The following XIST variants were observed in gnomAD, a reference collection of about 807,000 sequenced individuals.
XIST encodes the protein X inactive specific transcript.
chrX:73,838,320 A>G (rs973289932), intron 1 of XIST, among the ~76,000 whole-genome samples: 2 of 111,171 alleles, frequency 1.8e-5, no homozygotes, highest in African/African-American at 6.5e-5. Context: ...GCACTTGATT[A>G]TGTAATAAGA....
At chrX:73,848,444 G>A in exon 1 of XIST, 1 of 557,986 alleles carries the variant, frequency 1.8e-6, no homozygotes, top group Non-Finnish European at 3.2e-6. Context: ...GAGTAGTAAG[G>A]GTCCCCTGCT....
chrX:73,822,906 A>T lies in XIST; in HGVS notation n.16995T>A, dbSNP rs751848972. 4 of 556,919 alleles carry T rather than the reference A, an allele frequency of 7.2e-6. No homozygotes were observed. The African/African-American group carries it at 8.9e-5, about 12-fold the overall frequency. The allele number at this position is 556,919 out of a possible 1,213,427, so 45.9% of individuals were successfully genotyped here. ...ATGAAGTTTCTTCTCAACTAAAGAA[A>T]CACAGTCTCTTAGAGAATTTGTTCC... On this transcript the variant is annotated non_coding_transcript_exon_variant, in exon 6 of 6. Transcript: ENST00000429829.
chrX:73,821,828 T>C (rs1569511386), exon 6 of XIST: 3 of 533,993 alleles, frequency 5.6e-6, no homozygotes, highest in Non-Finnish European at 1.0e-5. Flanking sequence ...TTAAGCATGG[T>C]AAAATGTTAA....
exon 6 of XIST, chrX:73,821,692 CT>C (rs751224183): frequency 5.3e-5 from 29 of 543,870 alleles, no homozygotes; most frequent in African/African-American, 2.7e-4. Flanking sequence ...CTGTCCCACC[CT>C]CTGTGAGTGA....
At chrX:73,823,229 C>A in exon 6 of XIST, 1 of 532,074 alleles carries the variant, frequency 1.9e-6, no homozygotes, top group Non-Finnish European at 3.4e-6. Context: ...TTAAACTAAG[C>A]CAATGAGGAA....
chrX:73,838,516 TTC>T (rs764062154), intron 1 of XIST, among the ~76,000 whole-genome samples: 2 of 111,381 alleles, frequency 1.8e-5, no homozygotes, highest in South Asian at 7.5e-4. Flanking sequence ...CAAAAGTTAT[TTC>T]TAATATAAAC....
At chrX:73,820,968 G>C (rs766205734) in exon 6 of XIST, 1 of 558,944 alleles carries the variant, frequency 1.8e-6, no homozygotes, top group Non-Finnish European at 3.2e-6. Context: ...TGTGAATAAA[G>C]CAGATGATGA....
At chrX:73,852,376 C>A in exon 1 of XIST, 1 of 547,952 alleles carries the variant, frequency 1.8e-6, no homozygotes, top group Non-Finnish European at 3.3e-6. Flanking sequence ...TCCGCAGCCC[C>A]GATGGGCAAA....
chrX:73,849,840 G>C, exon 1 of XIST: 2 of 508,585 alleles, frequency 3.9e-6, no homozygotes, highest in Non-Finnish European at 7.0e-6. Context: ...CTGGGACTGG[G>C]GCTAGGGCTG....
chrX:73,852,619 AG>A (rs1268886547), exon 1 of XIST: 1 of 491,041 alleles, frequency 2.0e-6, no homozygotes, highest in African/African-American at 2.4e-5. Flanking sequence ...TACGCCATAA[AG>A]GGTGTTGGGG....
intron 2 of XIST, chrX:73,833,606 T>C (rs1922427506): frequency 1.6e-5 from 4 of 255,878 alleles, no homozygotes; most frequent in Non-Finnish European, 2.8e-5. Context: ...CATGAAAATA[T>C]GGGTCAAACC....
Position 73,833,311 on chromosome X carries a change from T to C in XIST, n.11470A>G, listed in dbSNP as rs1403950200. 11 of 556,863 alleles carry C rather than the reference T, an allele frequency of 2.0e-5. No homozygotes were observed. The African/African-American group carries it at 2.2e-4, about 11-fold the overall frequency. The allele number at this position is 556,863 out of a possible 1,213,427, so 45.9% of individuals were successfully genotyped here. A position where few individuals can be genotyped will look rare whatever the true frequency, so the allele number is the denominator to read the frequency against. ...TTGGCCAGATTCTCAAAGGGAAAGA[T>C]ATGATTAATTTGGAGCCTCTTATAG... On this transcript the variant is annotated non_coding_transcript_exon_variant, in exon 3 of 6. Transcript: ENST00000429829.
exon 6 of XIST, chrX:73,821,121 C>T (rs1204126582): frequency 1.8e-6 from 1 of 557,708 alleles, no homozygotes; most frequent in Non-Finnish European, 3.2e-6. Context: ...GTTACTGAGT[C>T]CAGCTGATAC....
Position 73,843,079 on chromosome X carries a change from T to G in XIST, n.9645A>C, listed in dbSNP as rs1202819820. On this transcript the variant is annotated non_coding_transcript_exon_variant, in exon 1 of 6. Transcript: ENST00000429829. ...TATACTTTATTATGCCATGGGAAAC[T>G]AAGGGTGGGGTGGGGCGCTTGCTTA... The G allele has an allele frequency of 5.4e-6, 3 of 557,925 alleles. No individual in the cohort carries two copies. In the Admixed American group the frequency reaches 6.7e-5, roughly 12 times the overall value. The allele number at this position is 557,925 out of a possible 1,213,427, so 46.0% of individuals were successfully genotyped here.
At chrX:73,841,441 C>A in exon 1 of XIST, 1 of 555,897 alleles carries the variant, frequency 1.8e-6, no homozygotes, top group Non-Finnish European at 3.3e-6. Context: ...GTAGGGCAAA[C>A]TGCTCCCTGA....
At chrX:73,827,155 T>A (rs1464614212) in exon 6 of XIST, 1 of 558,503 alleles carries the variant, frequency 1.8e-6, no homozygotes, top group Non-Finnish European at 3.2e-6. Flanking sequence ...TTTACTGCAG[T>A]CTAGGGCCTT....
At chrX:73,848,932 G>A (rs1317273185) in exon 1 of XIST, 5 of 555,869 alleles carry the variant, frequency 9.0e-6, no homozygotes, top group Admixed American at 2.2e-5. Context: ...TCTCTGTTAC[G>A]CAGAACCATG....
exon 1 of XIST, chrX:73,851,355 A>G (rs1387802575): frequency 9.0e-6 from 5 of 557,828 alleles, no homozygotes; most frequent in South Asian, 2.2e-5. Flanking sequence ...CATGTTTTAC[A>G]CTGCGGCAAG....
intron 4 of XIST, among the ~76,000 whole-genome samples, chrX:73,829,627 T>C (rs1255670582): frequency 2.8e-5 from 3 of 109,025 alleles, no homozygotes; most frequent in African/African-American, 1.0e-4. Flanking sequence ...ACCGTCTCTA[T>C]TAAAAATACA....
Sources: gnomAD v4.1 joint callset for allele counts (sites outside exome capture counted in the v4.1 genomes callset) on GRCh38, gnomAD v4.1.1 for gene constraint, MANE v1.5 for transcripts, NCBI Gene and HGNC (gene_info 2026-07-23, HGNC 2026-07-21) for gene names.